The following UNC5C variants were observed in gnomAD, a reference collection of about 807,000 sequenced individuals.
The protein encoded by UNC5C is unc-5 netrin receptor C.
A neutral mutation model predicts 99.8 loss-of-function variants in UNC5C; 47 were observed. The ratio of observed to expected loss-of-function variants is 0.47; its 90% CI spans 0.37 to 0.60. The LOEUF (loss-of-function observed/expected upper bound fraction) is 0.60, where lower values mean the gene tolerates loss of function less well. UNC5C is among the 20% of genes least tolerant of loss of function. The probability of loss-of-function intolerance (pLI) is 0.00; values close to 1 mark genes in which losing one functional copy is unlikely to be tolerated. For missense variants in UNC5C, 1,062 were observed against 1,165.9 expected, an observed-to-expected ratio of 0.91 and a Z score of 1.30; for synonymous variants, 487 against 452.2, an observed-to-expected ratio of 1.08 and a Z score of -0.98.
At position 95,214,748 on chromosome 4, in the gene UNC5C, C is replaced by T. The variant is rs72878184; in HGVS notation, c.1733+1376G>A. Among the ~76,000 whole-genome samples, 942 of 152,168 alleles carry T rather than the reference C, an allele frequency of 6.2e-3. 8 individuals carry two copies. Among genetic ancestry groups the T allele is most frequent in the African/African-American group, 0.022 (902 of 41,494 alleles). On this transcript the variant is annotated intron_variant, in intron 10 of 15. Coordinates refer to ENST00000453304, the MANE Select transcript of UNC5C (RefSeq NM_003728.4). ...AACAAAATGTCCACGCTGACAAAGG[C>T]CTTGATGGATAGATGTACTTAATGC...
At chr4:95,421,501 A>C (rs1289682296) in intron 1 of UNC5C, among the ~76,000 whole-genome samples, 1 of 150,216 alleles carries the variant, frequency 6.7e-6, no homozygotes, top group Non-Finnish European at 1.5e-5. Context: ...TTTTTTTTTC[A>C]AAGATTTGTT....
intron 1 of UNC5C, among the ~76,000 whole-genome samples, chr4:95,481,195 A>C (rs1222637948): frequency 6.6e-6 from 1 of 151,994 alleles, no homozygotes; most frequent in African/African-American, 2.4e-5. Flanking sequence ...AAAAATCACA[A>C]GCATTCTTAT....
At chr4:95,468,414 T>G (rs1176217601) in intron 1 of UNC5C, among the ~76,000 whole-genome samples, 2 of 152,280 alleles carry the variant, frequency 1.3e-5, no homozygotes, top group South Asian at 4.1e-4. Flanking sequence ...TATTAGCTAT[T>G]GAATTTCTCC....
At chr4:95,190,643 C>G (rs1737044973) in intron 12 of UNC5C, among the ~76,000 whole-genome samples, 2 of 152,074 alleles carry the variant, frequency 1.3e-5, no homozygotes, top group African/African-American at 4.8e-5. Context: ...TATCTGCACC[C>G]CTCTAACTTT....
chr4:95,494,305 A>ATCT (rs1457003031), intron 1 of UNC5C, among the ~76,000 whole-genome samples: 1 of 151,538 alleles, frequency 6.6e-6, no homozygotes, highest in Non-Finnish European at 1.5e-5. Context: ...AGTGTGTTGG[A>ATCT]TATGTAAAGA....
At chr4:95,189,132 G>A (rs1303556388) in intron 12 of UNC5C, among the ~76,000 whole-genome samples, 5 of 152,182 alleles carry the variant, frequency 3.3e-5, no homozygotes, top group African/African-American at 7.2e-5. Context: ...AAACCTGAAC[G>A]TCAAGTTCCT....
At chr4:95,510,646 T>C (rs1344096938) in intron 1 of UNC5C, among the ~76,000 whole-genome samples, 1 of 152,074 alleles carries the variant, frequency 6.6e-6, no homozygotes, top group South Asian at 2.1e-4. Context: ...ACCTTAAGGG[T>C]AGTGTGCTGT....
At chr4:95,199,086 G>A (rs1560728202) in intron 12 of UNC5C, among the ~76,000 whole-genome samples, 1 of 152,134 alleles carries the variant, frequency 6.6e-6, no homozygotes, top group Non-Finnish European at 1.5e-5. Flanking sequence ...TTTTGGAAGA[G>A]CATGAGCGTG....
chr4:95,462,618 A>AGACTT (rs1301352639), intron 1 of UNC5C, among the ~76,000 whole-genome samples: 1 of 152,238 alleles, frequency 6.6e-6, no homozygotes, highest in African/African-American at 2.4e-5. Context: ...GAATGAAATA[A>AGACTT]GACTTAACTG....
At chr4:95,499,237 T>TTGG (rs1721708490) in intron 1 of UNC5C, among the ~76,000 whole-genome samples, 1 of 152,114 alleles carries the variant, frequency 6.6e-6, no homozygotes, top group Non-Finnish European at 1.5e-5. Context: ...GGTTTAAAAG[T>TTGG]TGGCTTAACA....
intron 1 of UNC5C, among the ~76,000 whole-genome samples, chr4:95,541,784 G>C (rs1383074661): frequency 2.0e-5 from 3 of 151,998 alleles, no homozygotes; most frequent in South Asian, 2.1e-4. Context: ...TTATTGGAAA[G>C]AAATATCCAC....
At chr4:95,518,525 G>A (rs1400325492) in intron 1 of UNC5C, among the ~76,000 whole-genome samples, 9 of 152,066 alleles carry the variant, frequency 5.9e-5, no homozygotes, top group African/African-American at 1.9e-4. Context: ...ACTATCTGAA[G>A]TCCCAATGTT....
intron 5 of UNC5C, among the ~76,000 whole-genome samples, chr4:95,246,578 A>C (rs891714897): frequency 6.6e-6 from 1 of 152,034 alleles, no homozygotes; most frequent in Non-Finnish European, 1.5e-5. Flanking sequence ...TAAATAATAC[A>C]TGAATGTTTC....
intron 1 of UNC5C, among the ~76,000 whole-genome samples, chr4:95,391,885 TG>T (rs1362742622): frequency 1.3e-5 from 2 of 151,974 alleles, no homozygotes; most frequent in East Asian, 3.9e-4. Flanking sequence ...GAGACCAGCC[TG>T]GGCCATGTAG....
intron 1 of UNC5C, among the ~76,000 whole-genome samples, chr4:95,522,916 C>A (rs1399679395): frequency 7.4e-6 from 1 of 134,602 alleles, no homozygotes; most frequent in Non-Finnish European, 1.7e-5. Context: ...GAGCAAAGCA[C>A]AAGAAACGAA....
intron 2 of UNC5C, among the ~76,000 whole-genome samples, chr4:95,316,791 C>T (rs1393061332): frequency 6.6e-6 from 1 of 152,048 alleles, no homozygotes; most frequent in African/African-American, 2.4e-5. Flanking sequence ...GTCAATCCAT[C>T]CCACCTCAAA....
At chr4:95,278,223 G>C in intron 4 of UNC5C, 36 bp downstream of exon 4, 1 of 1,535,152 alleles carries the variant, frequency 6.5e-7, no homozygotes. Context: ...ATAACTTAGT[G>C]CCAATTGCTA....
chr4:95,354,967 T>A (rs72676442), intron 1 of UNC5C, among the ~76,000 whole-genome samples: 13,370 of 152,236 alleles, frequency 0.088, 790 homozygotes, highest in Non-Finnish European at 0.13. Context: ...TTTGCATACT[T>A]GGTGCTTATT....
At chr4:95,314,192 G>A (rs992037104) in intron 2 of UNC5C, among the ~76,000 whole-genome samples, 2 of 152,172 alleles carry the variant, frequency 1.3e-5, no homozygotes, top group African/African-American at 4.8e-5. Flanking sequence ...AGAAAGACAT[G>A]ACTGGTTTGG....
Sources: gnomAD v4.1 joint callset for allele counts (sites outside exome capture counted in the v4.1 genomes callset) on GRCh38, gnomAD v4.1.1 for gene constraint, MANE v1.5 for transcripts, NCBI Gene and HGNC (gene_info 2026-07-23, HGNC 2026-07-21) for gene names.